MYO18B: variants seen among roughly 807,000 people sequenced by gnomAD.
MYO18B encodes unconventional myosin-XVIIIb.
MYO18B carries 204 observed loss-of-function variants against 273.0 expected under a neutral mutation model. That is an observed-to-expected ratio of 0.75 (90% CI 0.67 to 0.84). The LOEUF (loss-of-function observed/expected upper bound fraction) is 0.84, where lower values mean the gene tolerates loss of function less well. Ranked by LOEUF, MYO18B falls within the 40% of genes least tolerant of loss-of-function variation. MYO18B has a pLI of 0.00. For missense variants in MYO18B, 3,212 were observed against 3,287.6 expected (o/e 0.98, Z 0.56); for synonymous variants, 1,330 against 1,305.7 (o/e 1.02, Z -0.40).
chr22:25,998,383 C>T (rs149622080), intron 40 of MYO18B, among the ~76,000 whole-genome samples: 4 of 152,140 alleles, frequency 2.6e-5, no homozygotes, highest in African/African-American at 9.6e-5. Context: ...GGGGTTTGGG[C>T]GAGATGTAGA....
Position 25,779,516 on chromosome 22 carries a change from G to A in MYO18B, c.2069-540G>A, listed in dbSNP as rs186789690. Among the ~76,000 whole-genome samples the A allele has an allele frequency of 9.8e-5, 15 of 152,316 alleles. No homozygotes were observed. The East Asian group carries it at 2.9e-3, about 29-fold the overall frequency. ...TCATGCTAAAAGCTAGAGATACAGT[G>A]GGAAGAGGCACAGTCTCTCACAATG... On this transcript the variant is annotated intron_variant, in intron 8 of 43. Coordinates refer to ENST00000335473, the MANE Select transcript of MYO18B (RefSeq NM_032608.7).
chr22:26,057,489 G>C, the MYO18B span, among the ~76,000 whole-genome samples: 1 of 150,454 alleles, frequency 6.6e-6, no homozygotes, highest in Admixed American at 6.6e-5. Context: ...TACCAAACTA[G>C]GTTCAAAACT....
chr22:25,914,276 C>G (rs1399475177), intron 33 of MYO18B, among the ~76,000 whole-genome samples: 1 of 152,130 alleles, frequency 6.6e-6, no homozygotes, highest in African/African-American at 2.4e-5. Context: ...GGTTCTACAA[C>G]AAAACCTGAT....
intron 11 of MYO18B, among the ~76,000 whole-genome samples, chr22:25,788,473 G>A (rs553593132): frequency 6.6e-6 from 1 of 152,342 alleles, no homozygotes; most frequent in African/African-American, 2.4e-5. Flanking sequence ...AGCCTGAAGG[G>A]TTGGGAGCCT....
intron 31 of MYO18B, among the ~76,000 whole-genome samples, chr22:25,906,431 G>A (rs1279919346): frequency 6.6e-6 from 1 of 152,150 alleles, no homozygotes; most frequent in Non-Finnish European, 1.5e-5. Flanking sequence ...CAGGGCCTCT[G>A]ACGTACACTA....
chr22:25,932,233 G>A (rs551921183), intron 34 of MYO18B, among the ~76,000 whole-genome samples: 4 of 152,018 alleles, frequency 2.6e-5, no homozygotes, highest in South Asian at 2.1e-4. Context: ...CCACATTTGC[G>A]ATCTGGTTCT....
At chr22:25,890,978 T>A in intron 26 of MYO18B, 103 bp downstream of exon 26, 1 of 1,462,746 alleles carries the variant, frequency 6.8e-7, no homozygotes, top group Non-Finnish European at 9.2e-7. Flanking sequence ...TTAAGCAAGA[T>A]GCACAGGTTG....
chr22:26,009,179 C>T (rs2146938602), intron 42 of MYO18B, among the ~76,000 whole-genome samples: 1 of 152,358 alleles, frequency 6.6e-6, no homozygotes, highest in South Asian at 2.1e-4. Context: ...CCTTTAACTT[C>T]TGCTGTGATG....
chr22:25,819,919 C>A (rs1457439565), intron 12 of MYO18B, among the ~76,000 whole-genome samples: 2 of 150,176 alleles, frequency 1.3e-5, no homozygotes, highest in Non-Finnish European at 3.0e-5. Context: ...TAACAAATAA[C>A]TACAACTAAT....
the MYO18B span, among the ~76,000 whole-genome samples, chr22:26,063,358 C>T: frequency 4.6e-5 from 7 of 152,130 alleles, no homozygotes; most frequent in South Asian, 2.1e-4. Flanking sequence ...GTATGCTGAA[C>T]GCCCCTCAAC....
At chr22:26,060,829 TAC>T in the MYO18B span, among the ~76,000 whole-genome samples, 1 of 137,834 alleles carries the variant, frequency 7.3e-6, no homozygotes, top group Non-Finnish European at 1.6e-5. Context: ...CATACATATA[TAC>T]ATATACACAA....
intron 20 of MYO18B, among the ~76,000 whole-genome samples, chr22:25,849,004 A>G (rs763557004): frequency 2.0e-5 from 3 of 152,240 alleles, no homozygotes; most frequent in Non-Finnish European, 2.9e-5. Context: ...CGCTGAGCAT[A>G]TCAATGATTT....
intron 3 of MYO18B, among the ~76,000 whole-genome samples, chr22:25,766,475 C>T (rs145010398): frequency 1.3e-3 from 195 of 152,320 alleles, no homozygotes; most frequent in African/African-American, 4.4e-3. Flanking sequence ...AAGGTGGCCA[C>T]GCTGTGACTG....
chr22:25,833,236 TTATGTCTGAGTC>T (rs1433159442), intron 16 of MYO18B, among the ~76,000 whole-genome samples: 1 of 152,178 alleles, frequency 6.6e-6, no homozygotes, highest in African/African-American at 2.4e-5. Flanking sequence ...CTGCTGTCCT[TTATGTCTGAGTC>T]TATGTCTTAG....
At chr22:25,770,288 A>C in intron 5 of MYO18B, 112 bp downstream of exon 5, 1 of 1,022,434 alleles carries the variant, frequency 9.8e-7, no homozygotes, top group Non-Finnish European at 1.5e-6. Flanking sequence ...AGGAGGGAAG[A>C]GGAGCAGTGG....
At chr22:25,830,254 C>T (rs1360531203) in intron 15 of MYO18B, among the ~76,000 whole-genome samples, 1 of 151,752 alleles carries the variant, frequency 6.6e-6, no homozygotes, top group Non-Finnish European at 1.5e-5. Flanking sequence ...AAGGCACTCA[C>T]CCTCTCTGAC....
intron 21 of MYO18B, among the ~76,000 whole-genome samples, chr22:25,859,975 T>A (rs1421236932): frequency 6.6e-6 from 1 of 152,240 alleles, no homozygotes; most frequent in Non-Finnish European, 1.5e-5. Context: ...AGCTCCTCCG[T>A]GTAGACATTT....
rs1217720051 is a variant in MYO18B at position 25,753,519 on chromosome 22, G to A, written c.-109-7465G>A. On this transcript the variant is annotated intron_variant, in intron 1 of 43. Transcript: ENST00000335473. Reference sequence around the variant, plus strand: ...CTGCCAGCACCAGCACTGGTAACCCGCCCGGGTCTCCTTCCGCGTTGTGGG... The same window carrying A: ...CTGCCAGCACCAGCACTGGTAACCCACCCGGGTCTCCTTCCGCGTTGTGGG... Among the ~76,000 whole-genome samples, 4 of 152,152 alleles carry A rather than the reference G, an allele frequency of 2.6e-5. No homozygotes were observed. In the South Asian group the frequency reaches 8.3e-4, roughly 32 times the overall value.
intron 1 of MYO18B, among the ~76,000 whole-genome samples, chr22:25,745,628 T>G (rs2085758335): frequency 6.6e-6 from 1 of 152,178 alleles, no homozygotes; most frequent in African/African-American, 2.4e-5. Flanking sequence ...TTTACTGTGT[T>G]TCTCCCTGAT....
Sources: allele counts gnomAD v4.1 joint callset (sites outside exome capture counted in the v4.1 genomes callset), GRCh38; gene constraint gnomAD v4.1.1; transcripts MANE v1.5; gene names NCBI Gene and HGNC (gene_info 2026-07-23, HGNC 2026-07-21).